Variants in SGCG observed in about 807,000 individuals in gnomAD.
SGCG encodes sarcoglycan gamma.
SGCG carries 26 observed loss-of-function variants against 29.3 expected under a neutral mutation model. The observed-to-expected ratio is 0.89, with a 90% confidence interval of 0.65 to 1.23. The LOEUF (loss-of-function observed/expected upper bound fraction) is 1.23. Among genes scored for constraint, SGCG ranks in the 50% most tolerant of loss-of-function variants. SGCG has a pLI of 0.00. For synonymous variants in SGCG, 145 were observed against 129.7 expected, an observed-to-expected ratio of 1.12 and a Z score of -0.80; for missense variants, 353 against 356.0, an observed-to-expected ratio of 0.99 and a Z score of 0.07.
At chr13:23,303,709 G>A (rs905091501) in intron 6 of SGCG, among the ~76,000 whole-genome samples, 2 of 152,200 alleles carry the variant, frequency 1.3e-5, no homozygotes, top group Non-Finnish European at 2.9e-5. Context: ...ATGTGCTTGT[G>A]CAGGTAAATT....
intron 4 of SGCG, among the ~76,000 whole-genome samples, chr13:23,252,980 T>G (rs1880035095): frequency 6.6e-6 from 1 of 151,672 alleles, no homozygotes; most frequent in East Asian, 1.9e-4. Context: ...TTTCTTGAAA[T>G]TATGGCATGC....
chr13:23,270,684 T>C (rs577485329), intron 4 of SGCG, among the ~76,000 whole-genome samples: 1 of 152,320 alleles, frequency 6.6e-6, no homozygotes, highest in African/African-American at 2.4e-5. Flanking sequence ...TTTTTACTTG[T>C]TATTGTTATG....
chr13:23,235,399 T>G lies in SGCG; in HGVS notation c.297+687T>G, dbSNP rs529197895. 3.9e-5 allele frequency among the ~76,000 whole-genome samples: 6 copies of G among 152,172 alleles called. No homozygotes were observed. In the South Asian group the frequency reaches 1.2e-3, roughly 32 times the overall value. On this transcript the variant is annotated intron_variant, in intron 3 of 7. Transcript: ENST00000218867. ...AAACAAAAAAAAAAAAGAAAGAAAT[T>G]TGTTTCATTGTATTATGTTCTGCAC...
intron 5 of SGCG, among the ~76,000 whole-genome samples, 174 bp from the exon 6 acceptor site, chr13:23,295,241 A>C (rs1009587599): frequency 4.6e-5 from 7 of 152,230 alleles, no homozygotes; most frequent in African/African-American, 1.4e-4. Context: ...TGATAGCCTC[A>C]GAAAAGTAGG....
At chr13:23,312,610 G>A (rs991280295) in intron 6 of SGCG, among the ~76,000 whole-genome samples, 2 of 152,134 alleles carry the variant, frequency 1.3e-5, no homozygotes, top group African/African-American at 4.8e-5. Flanking sequence ...AGGTTGGGAG[G>A]ATCAGGGGGT....
At position 23,324,430 on chromosome 13, in the gene SGCG, T is replaced by C; in HGVS notation, c.765T>C (p.Ser255=). The change falls in exon 8 of 8, where the codon TCT becomes TCC. Residue 255 remains serine, a synonymous_variant. Coordinates refer to ENST00000218867, the MANE Select transcript of SGCG (RefSeq NM_000231.3). ...PKLVQGTWGP[S]GSSQSLYEIC... is the part of the protein sequence containing the mutation. ...TGGTGCAGGGGACGTGGGGTCCCTCTGGCAGCTCACAGAGCCTCTACGAAA... is the reference window on the plus strand; with the variant it reads ...TGGTGCAGGGGACGTGGGGTCCCTCCGGCAGCTCACAGAGCCTCTACGAAA... 2 of 1,614,148 alleles carry C rather than the reference T, an allele frequency of 1.2e-6. No individual in the cohort carries two copies. Among genetic ancestry groups the C allele is most frequent in the Non-Finnish European group, 1.7e-6 (2 of 1,180,020 alleles).
intron 4 of SGCG, among the ~76,000 whole-genome samples, chr13:23,259,914 T>C (rs1880358843): frequency 6.6e-6 from 1 of 152,066 alleles, no homozygotes; most frequent in Non-Finnish European, 1.5e-5. Flanking sequence ...AGAGACAGTT[T>C]GTTGTGATTT....
chr13:23,320,615 G>GCTTTTTTT, intron 6 of SGCG, 22 bp from the exon 7 acceptor site: 1 of 710,896 alleles, frequency 1.4e-6, no homozygotes, highest in East Asian at 6.3e-5. Context: ...TTTTTTTTTT[G>GCTTTTTTT]TGCTTCTTTT....
intron 2 of SGCG, among the ~76,000 whole-genome samples, chr13:23,207,346 G>T (rs1252016697): frequency 6.6e-6 from 1 of 152,080 alleles, no homozygotes; most frequent in Non-Finnish European, 1.5e-5. Context: ...TAAACATAAG[G>T]CCTAAAACTG....
At chr13:23,305,521 C>A (rs189092129) in intron 6 of SGCG, among the ~76,000 whole-genome samples, 1 of 152,272 alleles carries the variant, frequency 6.6e-6, no homozygotes. Flanking sequence ...TAATCAATTT[C>A]TCTTGGCTAA....
intron 6 of SGCG, among the ~76,000 whole-genome samples, chr13:23,315,364 T>C (rs986372303): frequency 4.6e-5 from 7 of 152,188 alleles, no homozygotes; most frequent in Non-Finnish European, 7.4e-5. Context: ...GTGGTATATA[T>C]GCGATCGTGC....
intron 4 of SGCG, among the ~76,000 whole-genome samples, chr13:23,262,579 C>T (rs1880484154): frequency 6.6e-6 from 1 of 152,032 alleles, no homozygotes; most frequent in Admixed American, 6.6e-5. Flanking sequence ...CAATACTCCA[C>T]TGACGGCATT....
intron 1 of SGCG, among the ~76,000 whole-genome samples, chr13:23,197,084 G>C (rs1314087980): frequency 1.3e-5 from 2 of 152,048 alleles, no homozygotes; most frequent in Non-Finnish European, 2.9e-5. Context: ...CTTGTTTCTA[G>C]ACTCTCCATT....
intron 1 of SGCG, among the ~76,000 whole-genome samples, chr13:23,199,811 G>T (rs909337064): frequency 6.6e-6 from 1 of 152,090 alleles, no homozygotes; most frequent in African/African-American, 2.4e-5. Flanking sequence ...ACCAGCTTCC[G>T]AAAAGCAGTG....
intron 4 of SGCG, among the ~76,000 whole-genome samples, chr13:23,267,146 A>T (rs1880670049): frequency 6.6e-6 from 1 of 152,178 alleles, no homozygotes; most frequent in Admixed American, 6.5e-5. Context: ...TAAATATGAG[A>T]CACACCCAGA....
At chr13:23,316,332 T>A (rs1882809079) in intron 6 of SGCG, among the ~76,000 whole-genome samples, 1 of 152,218 alleles carries the variant, frequency 6.6e-6, no homozygotes, top group Non-Finnish European at 1.5e-5. Context: ...ATGGAATGCC[T>A]TATCCACCAT....
intron 1 of SGCG, among the ~76,000 whole-genome samples, chr13:23,196,380 G>T (rs900974703): frequency 1.4e-5 from 1 of 71,206 alleles, no homozygotes; most frequent in Non-Finnish European, 2.8e-5. Flanking sequence ...CTTTTGGGGG[G>T]GTTATTGTTA....
At chr13:23,267,323 G>A (rs1880676961) in intron 4 of SGCG, among the ~76,000 whole-genome samples, 1 of 152,166 alleles carries the variant, frequency 6.6e-6, no homozygotes, top group African/African-American at 2.4e-5. Context: ...AGTGTCTACA[G>A]GAGCATGGTC....
intron 7 of SGCG, among the ~76,000 whole-genome samples, chr13:23,323,866 A>G (rs1478294038): frequency 1.3e-5 from 2 of 152,248 alleles, no homozygotes; most frequent in South Asian, 2.1e-4. Context: ...ATGGGTAAAA[A>G]TTATTAAGAT....
Sources: allele counts gnomAD v4.1 joint callset (sites outside exome capture counted in the v4.1 genomes callset), GRCh38; gene constraint gnomAD v4.1.1; transcripts MANE v1.5; gene names NCBI Gene and HGNC (gene_info 2026-07-23, HGNC 2026-07-21).